MAGI2: variants seen among roughly 807,000 people sequenced by gnomAD.
MAGI2 encodes the protein membrane associated guanylate kinase, WW and PDZ domain containing 2.
MAGI2 carries 35 observed loss-of-function variants against 133.3 expected under a neutral mutation model. The ratio of observed to expected loss-of-function variants is 0.26; its 90% CI spans 0.20 to 0.35. The LOEUF (loss-of-function observed/expected upper bound fraction) is 0.35. Ranked by LOEUF, MAGI2 falls within the 10% of genes least tolerant of loss-of-function variation. The probability of loss-of-function intolerance (pLI) is 1.00; values close to 1 mark genes in which losing one functional copy is unlikely to be tolerated. For missense variants in MAGI2, 1,636 were observed against 1,863.4 expected (o/e 0.88, Z 2.25); for synonymous variants, 729 against 710.6 (o/e 1.03, Z -0.41).
chr7:78,061,922 T>C (rs920183287), intron 21 of MAGI2, among the ~76,000 whole-genome samples: 8 of 152,196 alleles, frequency 5.3e-5, no homozygotes, highest in African/African-American at 9.7e-5. Context: ...GACTTCGTCA[T>C]TGGAGTCTTG....
chr7:78,271,409 A>G (rs1402003983), intron 9 of MAGI2, among the ~76,000 whole-genome samples: 2 of 152,046 alleles, frequency 1.3e-5, no homozygotes, highest in Admixed American at 1.3e-4. Context: ...ATTGGCCTGA[A>G]ATTTTCTTTT....
chr7:78,314,576 A>G (rs775906030), intron 9 of MAGI2, among the ~76,000 whole-genome samples: 12 of 152,138 alleles, frequency 7.9e-5, no homozygotes, highest in Non-Finnish European at 8.8e-5. Context: ...CATTGGCTCT[A>G]TTAGTAACAG....
At chr7:79,339,850 A>G (rs1840759912) in intron 1 of MAGI2, among the ~76,000 whole-genome samples, 1 of 152,118 alleles carries the variant, frequency 6.6e-6, no homozygotes, top group Admixed American at 6.6e-5. Flanking sequence ...GCTGAATGCA[A>G]ACAAGGAGAA....
chr7:78,224,661 G>A (rs1789179783), intron 10 of MAGI2, among the ~76,000 whole-genome samples: 1 of 147,510 alleles, frequency 6.8e-6, no homozygotes, highest in African/African-American at 2.6e-5. Flanking sequence ...GTGAGACTCT[G>A]TCTCAACAAC....
chr7:78,650,909 A>T (rs1310916879), intron 2 of MAGI2, among the ~76,000 whole-genome samples: 2 of 152,188 alleles, frequency 1.3e-5, no homozygotes, highest in African/African-American at 4.8e-5. Flanking sequence ...CCGAACAGAT[A>T]GTGTCACCTC....
intron 1 of MAGI2, among the ~76,000 whole-genome samples, chr7:79,393,301 A>C (rs1381232044): frequency 6.6e-6 from 1 of 152,176 alleles, no homozygotes; most frequent in East Asian, 1.9e-4. Flanking sequence ...GTAATTACTA[A>C]ATATGCACCC....
intron 20 of MAGI2, among the ~76,000 whole-genome samples, chr7:78,122,886 G>A (rs1372045602): frequency 1.3e-5 from 2 of 151,922 alleles, no homozygotes; most frequent in Admixed American, 1.3e-4. Context: ...CTTTTAATTA[G>A]GTTATATTCC....
chr7:78,983,598 T>C (rs1804976862), intron 2 of MAGI2, among the ~76,000 whole-genome samples: 1 of 151,978 alleles, frequency 6.6e-6, no homozygotes, highest in Non-Finnish European at 1.5e-5. Context: ...CTAAATAGTC[T>C]TGCATTCTAT....
intron 2 of MAGI2, among the ~76,000 whole-genome samples, chr7:78,999,430 C>G (rs1806640661): frequency 6.6e-6 from 1 of 151,826 alleles, no homozygotes; most frequent in Non-Finnish European, 1.5e-5. Flanking sequence ...CATTTTGAAG[C>G]CATTTATATT....
At chr7:79,378,926 GTATATATA>G (rs59388508) in intron 1 of MAGI2, among the ~76,000 whole-genome samples, 2,581 of 94,000 alleles carry the variant, frequency 0.027, 57 homozygotes, top group Non-Finnish European at 0.046. Flanking sequence ...ATGTGTGTGT[GTATATATA>G]TATATATATA....
chr7:78,378,380 T>C (rs1794638961), intron 6 of MAGI2, among the ~76,000 whole-genome samples: 1 of 152,046 alleles, frequency 6.6e-6, no homozygotes, highest in Admixed American at 6.6e-5. Context: ...AAAATAACTA[T>C]ATCTATATAT....
chr7:79,398,770 TTATC>T (rs1222841912), intron 1 of MAGI2, among the ~76,000 whole-genome samples: 7 of 152,298 alleles, frequency 4.6e-5, no homozygotes, highest in East Asian at 1.9e-4. Context: ...AATACTGAGA[TTATC>T]TAATTTTTTT....
intron 1 of MAGI2, among the ~76,000 whole-genome samples, chr7:79,394,123 T>C (rs1415746866): frequency 6.6e-6 from 1 of 152,126 alleles, no homozygotes; most frequent in Non-Finnish European, 1.5e-5. Context: ...CAGATGGAAG[T>C]AGCCCGGCAC....
At chr7:78,926,561 C>A (rs1799707990) in intron 2 of MAGI2, among the ~76,000 whole-genome samples, 2 of 151,938 alleles carry the variant, frequency 1.3e-5, no homozygotes, top group South Asian at 4.1e-4. Context: ...ATTCCAAATG[C>A]CCTTCCCAAG....
rs1270695762 is a variant in MAGI2 at position 78,256,042 on chromosome 7, T to C, written c.1948A>G (p.Asn650Asp). Reference sequence around the variant, plus strand: ...CTCAGGTTCTGTACATTCTGCTGGTTGATCTCAACAATGAGGTCGCCTTCA... The same window carrying C: ...CTCAGGTTCTGTACATTCTGCTGGTCGATCTCAACAATGAGGTCGCCTTCA... ...LCEGDLIVEI[N>D]QQNVQNLSHT... The change falls in exon 10 of 22, where the codon AAC becomes GAC. Residue 650 changes from asparagine to aspartate, a missense_variant. By Grantham distance (23) the Asn-to-Asp change is conservative. Transcript: ENST00000354212. The C allele has an allele frequency of 1.2e-6, 2 of 1,613,522 alleles. No homozygotes were observed. Among genetic ancestry groups the C allele is most frequent in the Non-Finnish European group, 1.7e-6 (2 of 1,179,848 alleles).
At chr7:78,578,506 A>C (rs1802501310) in intron 3 of MAGI2, among the ~76,000 whole-genome samples, 1 of 152,198 alleles carries the variant, frequency 6.6e-6, no homozygotes, top group African/African-American at 2.4e-5. Flanking sequence ...GTAAATGAAA[A>C]AGGCAAAAGA....
chr7:78,657,976 G>A (rs1217275269), intron 2 of MAGI2, among the ~76,000 whole-genome samples: 1 of 152,002 alleles, frequency 6.6e-6, no homozygotes, highest in African/African-American at 2.4e-5. Context: ...TAAAAATTAA[G>A]TCTATTAAAA....
At chr7:78,200,801 G>C (rs761462612) in intron 11 of MAGI2, among the ~76,000 whole-genome samples, 49 of 152,022 alleles carry the variant, frequency 3.2e-4, no homozygotes, top group Non-Finnish European at 5.6e-4. Flanking sequence ...AAGACTTCTG[G>C]ACCTATAGTT....
chr7:79,103,663 A>G (rs1818183732), intron 1 of MAGI2, among the ~76,000 whole-genome samples: 1 of 151,940 alleles, frequency 6.6e-6, no homozygotes, highest in Non-Finnish European at 1.5e-5. Context: ...ACTTTCTAGA[A>G]AGCTGGCAGC....
Sources: gnomAD v4.1 joint callset for allele counts (sites outside exome capture counted in the v4.1 genomes callset) on GRCh38, gnomAD v4.1.1 for gene constraint, MANE v1.5 for transcripts, NCBI Gene and HGNC (gene_info 2026-07-23, HGNC 2026-07-21) for gene names.